Variants in SORCS1 observed in about 807,000 individuals in gnomAD.
SORCS1 encodes sortilin related VPS10 domain containing receptor 1.
Under a neutral mutation model 146.1 loss-of-function variants are expected in SORCS1, and 60 were observed. The observed-to-expected ratio is 0.41, with a 90% confidence interval of 0.33 to 0.51. The LOEUF is 0.51. Ranked by LOEUF, SORCS1 falls within the 20% of genes least tolerant of loss-of-function variation. SORCS1 has a pLI of 0.21. For missense variants in SORCS1, 1,352 were observed against 1,487.6 expected, an observed-to-expected ratio of 0.91 and a Z score of 1.50; for synonymous variants, 637 against 584.0, an observed-to-expected ratio of 1.09 and a Z score of -1.31.
At chr10:106,754,846 T>A (rs1413177874) in intron 5 of SORCS1, among the ~76,000 whole-genome samples, 1 of 152,206 alleles carries the variant, frequency 6.6e-6, no homozygotes, top group Non-Finnish European at 1.5e-5. Context: ...TTTCCATGTG[T>A]GAATTAGTCA....
chr10:107,036,253 A>T (rs978565588), intron 1 of SORCS1, among the ~76,000 whole-genome samples: 1 of 152,196 alleles, frequency 6.6e-6, no homozygotes, highest in South Asian at 2.1e-4. Flanking sequence ...TTTCTCATAG[A>T]ATTTACATTG....
chr10:107,084,350 G>A (rs930809138), intron 1 of SORCS1, among the ~76,000 whole-genome samples: 4 of 150,380 alleles, frequency 2.7e-5, no homozygotes, highest in Admixed American at 6.7e-5. Context: ...TGATCCGCCC[G>A]CCTCAGCCTC....
At chr10:107,027,963 T>C (rs1958480897) in intron 1 of SORCS1, among the ~76,000 whole-genome samples, 1 of 152,156 alleles carries the variant, frequency 6.6e-6, no homozygotes, top group Admixed American at 6.5e-5. Flanking sequence ...GTCCTCAAAA[T>C]ATGTATGGTG....
chr10:106,850,287 G>C (rs1331314487), intron 2 of SORCS1, among the ~76,000 whole-genome samples: 1 of 152,124 alleles, frequency 6.6e-6, no homozygotes, highest in East Asian at 1.9e-4. Context: ...ATAGTCTCGT[G>C]GTGCGCCGTG....
At chr10:106,914,077 A>T (rs1246750655) in intron 2 of SORCS1, among the ~76,000 whole-genome samples, 2 of 152,242 alleles carry the variant, frequency 1.3e-5, no homozygotes, top group South Asian at 2.1e-4. Context: ...ATCATCAATC[A>T]TGCTAATAAG....
At chr10:107,087,050 C>G (rs1963817150) in intron 1 of SORCS1, among the ~76,000 whole-genome samples, 1 of 152,064 alleles carries the variant, frequency 6.6e-6, no homozygotes, top group African/African-American at 2.4e-5. Flanking sequence ...CAAACAAAAA[C>G]AAAATACTAC....
intron 2 of SORCS1, among the ~76,000 whole-genome samples, chr10:106,904,714 T>G (rs745412743): frequency 2.6e-4 from 39 of 152,234 alleles, no homozygotes; most frequent in Non-Finnish European, 4.1e-4. Context: ...TCTTACCTAA[T>G]TATCCCACAA....
At chr10:106,842,994 G>A (rs374319499) in intron 2 of SORCS1, among the ~76,000 whole-genome samples, 1 of 152,082 alleles carries the variant, frequency 6.6e-6, no homozygotes, top group African/African-American at 2.4e-5. Flanking sequence ...AAATGTAATT[G>A]TATTTAAGGT....
intron 1 of SORCS1, among the ~76,000 whole-genome samples, chr10:107,102,664 G>A (rs1965008204): frequency 6.6e-6 from 1 of 152,172 alleles, no homozygotes; most frequent in Non-Finnish European, 1.5e-5. Flanking sequence ...AAGACTCTGA[G>A]CATCTACATC....
At chr10:107,039,864 C>T (rs897474542) in intron 1 of SORCS1, among the ~76,000 whole-genome samples, 8 of 152,180 alleles carry the variant, frequency 5.3e-5, no homozygotes, top group Non-Finnish European at 1.0e-4. Flanking sequence ...AACCTCAACA[C>T]TTTGGGAGGC....
At chr10:106,620,315 A>T in intron 20 of SORCS1, 113 bp downstream of exon 20, 1 of 1,374,622 alleles carries the variant, frequency 7.3e-7, no homozygotes, top group South Asian at 1.5e-5. Flanking sequence ...TTGTCCTTGA[A>T]GCTACAACTG....
chr10:107,086,863 A>G (rs572850619), intron 1 of SORCS1, among the ~76,000 whole-genome samples: 49 of 152,212 alleles, frequency 3.2e-4, no homozygotes, highest in Non-Finnish European at 6.0e-4. Context: ...CCTCGTCTCT[A>G]GTAAAAATAC....
chr10:106,963,385 G>A (rs1410016839), intron 1 of SORCS1, among the ~76,000 whole-genome samples: 5 of 152,038 alleles, frequency 3.3e-5, no homozygotes, highest in African/African-American at 4.8e-5. Flanking sequence ...AAAGTGCTGG[G>A]ATTACAGGTG....
At chr10:106,645,890 C>T (rs1213382205) in intron 18 of SORCS1, among the ~76,000 whole-genome samples, 1 of 151,994 alleles carries the variant, frequency 6.6e-6, no homozygotes, top group Non-Finnish European at 1.5e-5. Context: ...CCTTTCTCCC[C>T]TCTAGGACTT....
intron 2 of SORCS1, among the ~76,000 whole-genome samples, chr10:106,944,472 C>T (rs1289776911): frequency 6.6e-6 from 1 of 152,180 alleles, no homozygotes; most frequent in Non-Finnish European, 1.5e-5. Flanking sequence ...GAAAGCTCTT[C>T]CTTCCCCACC....
intron 6 of SORCS1, among the ~76,000 whole-genome samples, chr10:106,717,809 A>T (rs1855484247): frequency 6.6e-6 from 1 of 152,210 alleles, no homozygotes; most frequent in African/African-American, 2.4e-5. Context: ...TGGTGAGCGC[A>T]TTCTAGGATG....
intron 1 of SORCS1, among the ~76,000 whole-genome samples, chr10:107,043,387 C>T (rs982631705): frequency 2.3e-4 from 35 of 152,108 alleles, no homozygotes; most frequent in Non-Finnish European, 4.3e-4. Flanking sequence ...TTGATTCCGC[C>T]GTCTGAATGA....
chr10:106,830,362 C>A (rs954515902), intron 2 of SORCS1, among the ~76,000 whole-genome samples: 5 of 152,132 alleles, frequency 3.3e-5, no homozygotes, highest in Non-Finnish European at 7.3e-5. Context: ...CTATGAAGGT[C>A]TACTCTATTT....
At chr10:107,176,169 T>C in the SORCS1 span, among the ~76,000 whole-genome samples, 1 of 152,124 alleles carries the variant, frequency 6.6e-6, no homozygotes, top group Admixed American at 6.6e-5. Context: ...TGTTATTTCT[T>C]TTTTGATTCA....
Sources: gnomAD v4.1 joint callset for allele counts (sites outside exome capture counted in the v4.1 genomes callset) on GRCh38, gnomAD v4.1.1 for gene constraint, MANE v1.5 for transcripts, NCBI Gene and HGNC (gene_info 2026-07-23, HGNC 2026-07-21) for gene names.